The following CFH variants were observed in gnomAD, a reference collection of about 807,000 sequenced individuals.
CFH encodes the protein complement factor H.
In CFH, 53 loss-of-function variants were observed where a neutral mutation model predicts 147.3. The ratio of observed to expected loss-of-function variants is 0.36; its 90% CI spans 0.29 to 0.45. The LOEUF is 0.45. Among genes scored for constraint, CFH ranks in the 20% least tolerant of loss-of-function variants. The pLI, the probability that CFH is intolerant of heterozygous loss-of-function variation, is 1.00. For synonymous variants in CFH, 536 were observed against 489.4 expected, an observed-to-expected ratio of 1.10 and a Z score of -1.26; for missense variants, 1,380 against 1,498.0, an observed-to-expected ratio of 0.92 and a Z score of 1.30.
intron 9 of CFH, among the ~76,000 whole-genome samples, chr1:196,712,390 T>G (rs987374321): frequency 5.3e-5 from 8 of 151,308 alleles, no homozygotes; most frequent in Non-Finnish European, 8.8e-5. Context: ...TATTTTCAGT[T>G]TTTATTCTTT....
Position 196,695,164 on chromosome 1 carries a change from A to G in CFH, c.1336+4925A>G, listed in dbSNP as rs147315832. On this transcript the variant is annotated intron_variant, in intron 9 of 21. Transcript: ENST00000367429. ...GGTCTTACATTTAAGCCTTTAATACATCATGAGTTAATTTTTATATTAGGT... is the reference window on the plus strand; with the variant it reads ...GGTCTTACATTTAAGCCTTTAATACGTCATGAGTTAATTTTTATATTAGGT... Among the ~76,000 whole-genome samples the G allele has an allele frequency of 3.9e-3, 588 of 152,312 alleles. 15 individuals carry two copies. The highest frequency in any genetic ancestry group is 0.035 in the Admixed American group (538 of 15,298).
At chr1:196,705,015 A>G (rs900038663) in intron 9 of CFH, among the ~76,000 whole-genome samples, 14 of 152,186 alleles carry the variant, frequency 9.2e-5, no homozygotes, top group African/African-American at 3.4e-4. Context: ...CTAAAGCTAA[A>G]TGATAGTATT....
intron 9 of CFH, among the ~76,000 whole-genome samples, chr1:196,703,982 CAAAAAAAAAA>C (rs386369224): frequency 2.0e-4 from 12 of 60,596 alleles, no homozygotes; most frequent in Admixed American, 2.3e-4. Flanking sequence ...AAGACTCTGT[CAAAAAAAAAA>C]AAAAAAAAAA....
intron 1 of CFH, among the ~76,000 whole-genome samples, chr1:196,656,577 G>A (rs1391966627): frequency 6.6e-6 from 1 of 151,880 alleles, no homozygotes; most frequent in Non-Finnish European, 1.5e-5. Context: ...TAATGGAAAG[G>A]CTTCCAGATA....
intron 17 of CFH, among the ~76,000 whole-genome samples, chr1:196,739,501 A>G (rs1468264998): frequency 6.6e-6 from 1 of 152,160 alleles, no homozygotes; most frequent in Non-Finnish European, 1.5e-5. Flanking sequence ...GTCTCTTTGC[A>G]TAGCAGGAGT....
intron 9 of CFH, among the ~76,000 whole-genome samples, chr1:196,712,268 G>A (rs1221011158): frequency 6.6e-6 from 1 of 151,888 alleles, no homozygotes; most frequent in Non-Finnish European, 1.5e-5. Flanking sequence ...TAAATTGTCT[G>A]TACTGATTGT....
intron 9 of CFH, among the ~76,000 whole-genome samples, chr1:196,704,295 A>G (rs186607598): frequency 4.4e-4 from 67 of 152,138 alleles, no homozygotes; most frequent in Admixed American, 4.4e-3. Flanking sequence ...GGGTTTCACC[A>G]TGTTTGCCTG....
At chr1:196,713,966 G>C in intron 10 of CFH, 49 bp downstream of exon 10, 1 of 1,530,700 alleles carries the variant, frequency 6.5e-7, no homozygotes, top group Non-Finnish European at 9.0e-7. Context: ...ATACACAAAA[G>C]TTTACTAACT....
chr1:196,674,064 A>G (rs1381215474), intron 3 of CFH, 102 bp downstream of exon 3: 1 of 811,082 alleles, frequency 1.2e-6, no homozygotes, highest in Non-Finnish European at 2.0e-6. Flanking sequence ...ATGAGCATTT[A>G]AAAAAGTAAT....
chr1:196,701,659 A>C, intron 9 of CFH: 6 of 322,812 alleles, frequency 1.9e-5, no homozygotes, highest in East Asian at 7.1e-5. Context: ...GGTCGAGGTC[A>C]CTCTCTTTGA....
At chr1:196,662,572 G>T (rs1182812834) in intron 1 of CFH, among the ~76,000 whole-genome samples, 1 of 151,970 alleles carries the variant, frequency 6.6e-6, no homozygotes, top group African/African-American at 2.4e-5. Flanking sequence ...TATTTATAGT[G>T]GCAAATTCTC....
At chr1:196,659,056 G>C (rs1395208862) in intron 1 of CFH, among the ~76,000 whole-genome samples, 1 of 151,922 alleles carries the variant, frequency 6.6e-6, no homozygotes, top group East Asian at 1.9e-4. Flanking sequence ...AGAAAAATGA[G>C]ATGGCTATTT....
At chr1:196,714,871 T>C (rs1321295281) in intron 10 of CFH, among the ~76,000 whole-genome samples, 1 of 150,836 alleles carries the variant, frequency 6.6e-6, no homozygotes, top group Non-Finnish European at 1.5e-5. Context: ...TGCCTAATTT[T>C]CGTATTTTTA....
At chr1:196,689,165 T>C (rs1667938030) in intron 7 of CFH, among the ~76,000 whole-genome samples, 1 of 152,178 alleles carries the variant, frequency 6.6e-6, no homozygotes, top group Non-Finnish European at 1.5e-5. Flanking sequence ...TGTGCATTTT[T>C]CTTTCTGGAG....
At chr1:196,674,932 C>A (rs1014251382) in intron 3 of CFH, among the ~76,000 whole-genome samples, 1 of 152,154 alleles carries the variant, frequency 6.6e-6, no homozygotes, top group African/African-American at 2.4e-5. Flanking sequence ...TAGTAGATAC[C>A]AAATAAGTAT....
At chr1:196,685,264 TTTC>T in intron 7 of CFH, 27 bp downstream of exon 7, 1 of 1,610,766 alleles carries the variant, frequency 6.2e-7, no homozygotes, top group Middle Eastern at 1.7e-4. Flanking sequence ...TCTTGACCCA[TTTC>T]TTAATTCTGA....
chr1:196,703,639 A>G (rs1668515272), intron 9 of CFH, among the ~76,000 whole-genome samples: 1 of 152,124 alleles, frequency 6.6e-6, no homozygotes, highest in African/African-American at 2.4e-5. Flanking sequence ...AAAAATGCTG[A>G]TGAGATCATT....
Position 196,715,780 on chromosome 1 carries a change from G to GT in CFH, c.1696+16dup. 6.3e-7 allele frequency: 1 copy of GT among 1,580,188 alleles called. No individual in the cohort carries two copies. The highest frequency in any genetic ancestry group is 8.6e-7 in the Non-Finnish European group (1 of 1,161,666). ...TACCCATATGTTATGGTAAGTACTG[G>GT]TTTTTCAGAAATTCATTTTCAAAAT... is the stretch of plus-strand genomic sequence containing the variant. On this transcript the variant is annotated intron_variant, in intron 11 of 21. Coordinates refer to ENST00000367429, the MANE Select transcript of CFH (RefSeq NM_000186.4).
chr1:196,675,078 T>C (rs1288700939), intron 3 of CFH, among the ~76,000 whole-genome samples: 2 of 152,192 alleles, frequency 1.3e-5, no homozygotes, highest in Non-Finnish European at 2.9e-5. Context: ...GGCTGAATTT[T>C]TTAATTTGCT....
Sources: allele counts gnomAD v4.1 joint callset (sites outside exome capture counted in the v4.1 genomes callset), GRCh38; gene constraint gnomAD v4.1.1; transcripts MANE v1.5; gene names NCBI Gene and HGNC (gene_info 2026-07-23, HGNC 2026-07-21).